STXBP5L: variants seen among roughly 807,000 people sequenced by gnomAD.
STXBP5L encodes the protein syntaxin binding protein 5L, also known as syntaxin-binding protein 5-like.
Under a neutral mutation model 144.5 loss-of-function variants are expected in STXBP5L, and 65 were observed. That is an observed-to-expected ratio of 0.45 (90% CI 0.37 to 0.55). The LOEUF is 0.55. Ranked by LOEUF, STXBP5L falls within the 20% of genes least tolerant of loss-of-function variation. The probability of loss-of-function intolerance (pLI) is 0.00; values close to 1 mark genes in which losing one functional copy is unlikely to be tolerated. For synonymous variants in STXBP5L, 505 were observed against 469.6 expected (o/e 1.08, Z -0.97); for missense variants, 1,298 against 1,405.5 (o/e 0.92, Z 1.22).
chr3:121,274,341 T>C (rs1364071200), intron 18 of STXBP5L, among the ~76,000 whole-genome samples: 1 of 152,230 alleles, frequency 6.6e-6, no homozygotes. Context: ...CCGAAGTCAG[T>C]GTTGGCAAAT....
chr3:120,951,236 G>A (rs1237263239), intron 2 of STXBP5L, among the ~76,000 whole-genome samples: 2 of 152,120 alleles, frequency 1.3e-5, no homozygotes, highest in African/African-American at 4.8e-5. Context: ...TCAGGACATA[G>A]GCACGGGCAA....
At chr3:121,212,130 A>G (rs138535734) in intron 10 of STXBP5L, among the ~76,000 whole-genome samples, 5 of 152,122 alleles carry the variant, frequency 3.3e-5, no homozygotes, top group Non-Finnish European at 7.4e-5. Context: ...TGTCAGATGG[A>G]TAGATTGCAA....
chr3:121,301,408 T>G (rs1201232853), intron 19 of STXBP5L, among the ~76,000 whole-genome samples: 1 of 152,244 alleles, frequency 6.6e-6, no homozygotes, highest in African/African-American at 2.4e-5. Flanking sequence ...ATCCTGAGAC[T>G]TTGCTGAAGT....
intron 3 of STXBP5L, among the ~76,000 whole-genome samples, chr3:121,023,021 C>T (rs1945673021): frequency 6.6e-6 from 1 of 151,928 alleles, no homozygotes; most frequent in Non-Finnish European, 1.5e-5. Flanking sequence ...ATCTAAAAAG[C>T]TCCTAGAACT....
intron 19 of STXBP5L, among the ~76,000 whole-genome samples, chr3:121,311,336 A>G (rs1246709524): frequency 6.6e-6 from 1 of 152,218 alleles, no homozygotes; most frequent in Non-Finnish European, 1.5e-5. Context: ...AAGGAAAAAC[A>G]CAAACAAATC....
chr3:121,026,667 A>G (rs1414393469), intron 3 of STXBP5L, among the ~76,000 whole-genome samples: 4 of 152,054 alleles, frequency 2.6e-5, no homozygotes, highest in Non-Finnish European at 5.9e-5. Context: ...ATAAGCAGAG[A>G]AAGCATCCGT....
At chr3:121,350,320 AG>A (rs1289448020) in intron 20 of STXBP5L, among the ~76,000 whole-genome samples, 1 of 152,182 alleles carries the variant, frequency 6.6e-6, no homozygotes, top group East Asian at 1.9e-4. Flanking sequence ...GTTTGTGCTG[AG>A]AGATCAGCTG....
At chr3:121,322,247 G>A (rs2043995360) in intron 20 of STXBP5L, among the ~76,000 whole-genome samples, 1 of 152,168 alleles carries the variant, frequency 6.6e-6, no homozygotes, top group Non-Finnish European at 1.5e-5. Flanking sequence ...GGGAGGCCGA[G>A]ATGGGCGGAT....
intron 8 of STXBP5L, among the ~76,000 whole-genome samples, chr3:121,155,799 C>T (rs1049437933): frequency 3.3e-5 from 5 of 151,852 alleles, no homozygotes; most frequent in African/African-American, 1.2e-4. Flanking sequence ...AAATATACTT[C>T]TTTAATAGTA....
At chr3:121,083,022 C>T (rs1469518043) in intron 5 of STXBP5L, among the ~76,000 whole-genome samples, 1 of 151,876 alleles carries the variant, frequency 6.6e-6, no homozygotes, top group East Asian at 1.9e-4. Flanking sequence ...ATGGTGAAAC[C>T]CCGTGTCTAC....
At chr3:121,252,177 C>T (rs1191806057) in intron 15 of STXBP5L, among the ~76,000 whole-genome samples, 9 of 151,862 alleles carry the variant, frequency 5.9e-5, no homozygotes, top group Non-Finnish European at 5.9e-5. Context: ...CTGGGCAACA[C>T]GGTGAAACCC....
intron 3 of STXBP5L, among the ~76,000 whole-genome samples, chr3:120,996,481 C>T (rs902576574): frequency 6.6e-6 from 1 of 152,060 alleles, no homozygotes; most frequent in Admixed American, 6.6e-5. Flanking sequence ...GACTTAAGGT[C>T]TGTTCTTTTA....
intron 3 of STXBP5L, among the ~76,000 whole-genome samples, chr3:121,009,786 TG>T (rs768599930): frequency 2.6e-5 from 4 of 151,890 alleles, no homozygotes; most frequent in Non-Finnish European, 4.4e-5. Context: ...TGGATCGTAA[TG>T]TTTTTTTCTA....
intron 3 of STXBP5L, among the ~76,000 whole-genome samples, chr3:120,975,923 A>T (rs929211944): frequency 1.3e-5 from 2 of 152,024 alleles, no homozygotes; most frequent in Non-Finnish European, 2.9e-5. Context: ...AAGCTTTTTG[A>T]TGTGCTGCTG....
chr3:121,004,369 A>G (rs1456634777), intron 3 of STXBP5L, among the ~76,000 whole-genome samples: 4 of 152,052 alleles, frequency 2.6e-5, no homozygotes, highest in African/African-American at 4.8e-5. Flanking sequence ...ATTGGTGTAT[A>G]AGAATGCCTG....
rs111316625 is a variant in STXBP5L at position 120,991,987 on chromosome 3, G to A, written c.287+36950G>A. ...AAAAAAAATCCATATAGTGATTGCTGCTTTTTAAAAAAATTAATATTTATA... is the reference window on the plus strand; with the variant it reads ...AAAAAAAATCCATATAGTGATTGCTACTTTTTAAAAAAATTAATATTTATA... On this transcript the variant is annotated intron_variant, in intron 3 of 26. Coordinates refer to ENST00000471454, the MANE Select transcript of STXBP5L (RefSeq NM_001308330.2). Among the ~76,000 whole-genome samples the A allele has an allele frequency of 2.5e-3, 380 of 152,036 alleles. 2 individuals carry two copies. The highest frequency in any genetic ancestry group is 8.6e-3 in the African/African-American group (357 of 41,512).
chr3:121,379,499 G>T (rs1290832227), intron 21 of STXBP5L, among the ~76,000 whole-genome samples: 1 of 151,994 alleles, frequency 6.6e-6, no homozygotes, highest in East Asian at 1.9e-4. Flanking sequence ...TAGAGAAAGA[G>T]ATAGGAAAAA....
In STXBP5L at chr3:121,249,060, T is replaced by C. The variant is rs900795418; in HGVS notation, c.1401-1663T>C. Among the ~76,000 whole-genome samples, 18 of 152,190 alleles carry C rather than the reference T, an allele frequency of 1.2e-4. 1 individual carries two copies. The highest frequency in any genetic ancestry group is 4.3e-4 in the African/African-American group (18 of 41,456). Reference sequence around the variant, plus strand: ...GGTTACTGTAGCCTTATAGTATAGTTTGAAGTTGAGTAGTGTGATGCCTCC... The same window carrying C: ...GGTTACTGTAGCCTTATAGTATAGTCTGAAGTTGAGTAGTGTGATGCCTCC... On this transcript the variant is annotated intron_variant, in intron 14 of 26. Coordinates refer to ENST00000471454, the MANE Select transcript of STXBP5L (RefSeq NM_001308330.2).
intron 5 of STXBP5L, among the ~76,000 whole-genome samples, chr3:121,113,140 A>G (rs1228235074): frequency 3.9e-5 from 6 of 152,186 alleles, no homozygotes; most frequent in Non-Finnish European, 7.4e-5. Context: ...GTTCTGTCTC[A>G]TTACTGAAAC....
Sources: gnomAD v4.1 joint callset for allele counts (sites outside exome capture counted in the v4.1 genomes callset) on GRCh38, gnomAD v4.1.1 for gene constraint, MANE v1.5 for transcripts, NCBI Gene and HGNC (gene_info 2026-07-23, HGNC 2026-07-21) for gene names.